ZFHX3: variants seen among roughly 807,000 people sequenced by gnomAD.
The protein encoded by ZFHX3 is zinc finger homeobox protein 3.
ZFHX3 carries 42 observed loss-of-function variants against 279.1 expected under a neutral mutation model. That is an observed-to-expected ratio of 0.15 (90% CI 0.12 to 0.19). ZFHX3 has a LOEUF of 0.19. Among genes scored for constraint, ZFHX3 ranks in the 10% least tolerant of loss-of-function variants. The pLI, the probability that ZFHX3 is intolerant of heterozygous loss-of-function variation, is 1.00. For synonymous variants in ZFHX3, 2,293 were observed against 1,957.8 expected (o/e 1.17, Z -4.52); for missense variants, 4,981 against 4,754.0 (o/e 1.05, Z -1.40).
rs369293850 is a variant in ZFHX3, at chr16:72,979,848, G to A, written c.-49-19654C>T. Among the ~76,000 whole-genome samples the A allele has an allele frequency of 2.7e-4, 41 of 152,206 alleles. No individual in the cohort carries two copies. In the South Asian group the frequency reaches 7.9e-3, roughly 29 times the overall value. On this transcript the variant is annotated intron_variant, in intron 1 of 9. Transcript: ENST00000268489. ...ATAACCTACACACTGAGTCAAATTTGGCTCTAAGCTTTCTAAAAGTCAAGA... is the reference window on the plus strand; with the variant it reads ...ATAACCTACACACTGAGTCAAATTTAGCTCTAAGCTTTCTAAAAGTCAAGA...
At chr16:73,126,794 G>A (rs1242251530) in intron 7 of ZFHX3, 2 of 152,370 alleles carry the variant, frequency 1.3e-5, no homozygotes, top group Non-Finnish European at 2.9e-5. Flanking sequence ...TGGGGCAGCT[G>A]GAAGGATGCT....
chr16:73,404,512 C>T (rs1312218243), intron 3 of ZFHX3, among the ~76,000 whole-genome samples: 4 of 152,224 alleles, frequency 2.6e-5, no homozygotes, highest in East Asian at 1.9e-4. Flanking sequence ...GCAAAGAGAC[C>T]GTTAAATCAC....
At chr16:73,247,930 G>C (rs373195387) in intron 5 of ZFHX3, among the ~76,000 whole-genome samples, 8 of 151,728 alleles carry the variant, frequency 5.3e-5, no homozygotes, top group East Asian at 3.9e-4. Flanking sequence ...TGTATGTGGA[G>C]TGTGTGTGTT....
rs535236507 is a variant in ZFHX3, at chr16:73,706,583, G to A, written c.-1607-26343C>T. Among the ~76,000 whole-genome samples the A allele has an allele frequency of 2.9e-4, 44 of 152,166 alleles. 1 individual carries two copies. The South Asian group carries it at 6.2e-3, about 22-fold the overall frequency. ...CTTGAAATAATATTCAAGGCTCTCC[G>A]TGGTGTAGCCCAATCTCTCATCACA... On this transcript the variant is annotated intron_variant, in intron 1 of 17. Coordinates refer to the ZFHX3 transcript ENST00000641206.
At chr16:73,515,356 CCTT>C (rs1361936345) in intron 2 of ZFHX3, among the ~76,000 whole-genome samples, 2 of 151,950 alleles carry the variant, frequency 1.3e-5, no homozygotes, top group East Asian at 3.9e-4. Context: ...TAAAGGGATC[CCTT>C]AGTCACAAAG....
At chr16:73,208,523 A>C (rs1053221833) in intron 5 of ZFHX3, among the ~76,000 whole-genome samples, 15 of 140,572 alleles carry the variant, frequency 1.1e-4, no homozygotes, top group African/African-American at 3.8e-4. Flanking sequence ...AGTTGGAAAC[A>C]TATTTACATC....
At chr16:73,866,169 A>ATTTTTTTTTT (rs34324522) in intron 1 of ZFHX3, among the ~76,000 whole-genome samples, 1 of 74,626 alleles carries the variant, frequency 1.3e-5, no homozygotes, top group Non-Finnish European at 2.5e-5. Context: ...TGCCAGGCTA[A>ATTTTTTTTTT]TTTTTTTTTT....
At chr16:73,734,017 A>G (rs937961598) in intron 1 of ZFHX3, among the ~76,000 whole-genome samples, 9 of 152,144 alleles carry the variant, frequency 5.9e-5, no homozygotes, top group African/African-American at 2.2e-4. Context: ...TTCGGTATGA[A>G]ACTATTCCAC....
rs115108553 is a variant in ZFHX3, at chr16:72,902,416, C to T, written c.3217-12454G>A. 1.2e-3 allele frequency among the ~76,000 whole-genome samples: 190 copies of T among 152,268 alleles called. 1 individual carries two copies. Among genetic ancestry groups the T allele is most frequent in the African/African-American group, 3.9e-3 (162 of 41,560 alleles). On this transcript the variant is annotated intron_variant, in intron 3 of 9. Transcript: ENST00000268489. ...GAGGGAGGTAACAGCCCCCAGCTTG[C>T]GCCTGGGTTTGGCAGGCTGGCTTCC...
intron 4 of ZFHX3, among the ~76,000 whole-genome samples, chr16:73,285,577 A>G (rs1321831489): frequency 1.3e-5 from 2 of 152,170 alleles, no homozygotes; most frequent in African/African-American, 4.8e-5. Context: ...TGCCTCATGT[A>G]CTAATATTAC....
chr16:73,299,103 T>G (rs1316632904), intron 4 of ZFHX3, among the ~76,000 whole-genome samples: 1 of 152,216 alleles, frequency 6.6e-6, no homozygotes, highest in African/African-American at 2.4e-5. Context: ...TTTTACAGAC[T>G]GGGGTCCGGT....
rs552022054 is a variant in ZFHX3, at chr16:72,802,829, C to A, written c.3865-2700G>T. On this transcript the variant is annotated intron_variant, in intron 7 of 9. Transcript: ENST00000268489. Reference sequence around the variant, plus strand: ...TTTACTCAAAGCTTTCATGCTTTATCTTGAAGAGCCATAAACAATCCTGCC... The same window carrying A: ...TTTACTCAAAGCTTTCATGCTTTATATTGAAGAGCCATAAACAATCCTGCC... Among the ~76,000 whole-genome samples, 9 of 152,292 alleles carry A rather than the reference C, an allele frequency of 5.9e-5. No homozygotes were observed. The South Asian group carries it at 1.9e-3, about 32-fold the overall frequency.
chr16:73,426,465 C>G (rs2017811689), intron 3 of ZFHX3, among the ~76,000 whole-genome samples: 1 of 152,102 alleles, frequency 6.6e-6, no homozygotes, highest in Admixed American at 6.5e-5. Flanking sequence ...TAATGGGGAT[C>G]AGTACAGAAC....
rs2018035752 is a variant in ZFHX3 at position 73,438,624 on chromosome 16, A to C, written c.-1291+17379T>G. On this transcript the variant is annotated intron_variant, in intron 3 of 17. Transcript: ENST00000641206. The stretch of plus-strand genomic sequence containing the variant: ...ATTGCCTCTGGATTGTACAAAGTTC[A>C]AGAAAGAAGCAAAATTCTTGATATA... 2.0e-5 allele frequency among the ~76,000 whole-genome samples: 3 copies of C among 152,268 alleles called. No homozygotes were observed. The South Asian group carries it at 6.2e-4, about 31-fold the overall frequency.
At chr16:73,176,139 C>T (rs1967658708) in intron 5 of ZFHX3, among the ~76,000 whole-genome samples, 2 of 152,318 alleles carry the variant, frequency 1.3e-5, no homozygotes, top group Admixed American at 6.5e-5. Flanking sequence ...AACCATCTAG[C>T]ACCGTCCCAT....
chr16:73,594,871 T>G (rs761289899), intron 2 of ZFHX3, among the ~76,000 whole-genome samples: 1 of 152,182 alleles, frequency 6.6e-6, no homozygotes, highest in African/African-American at 2.4e-5. Flanking sequence ...CCTTTTGTTG[T>G]TAATATTTGT....
chr16:72,881,962 C>A (rs2038485020), intron 4 of ZFHX3, among the ~76,000 whole-genome samples: 1 of 152,124 alleles, frequency 6.6e-6, no homozygotes, highest in Non-Finnish European at 1.5e-5. Context: ...ATAAAGGTTT[C>A]ACAGAAAGAA....
Position 72,797,548 on chromosome 16 carries a change from G to A in ZFHX3, c.5134C>T (p.Arg1712Trp), listed in dbSNP as rs151143698. The change falls in exon 9 of 10, where the codon CGG becomes TGG. Residue 1712 changes from arginine to tryptophan, a missense_variant. This residue lies in a region of ZFHX3 where 1,751 missense variants were observed against 1,770.0 expected (regional missense o/e 0.99). Coordinates refer to ENST00000268489, the MANE Select transcript of ZFHX3 (RefSeq NM_006885.4). ...ASPSEPKEAN[R>W]KKLADMIASR... ...GCAATCATATCTGCCAGTTTCTTCC[G>A]ATTGGCCTCTTTGGGCTCTGAAGGG... The A allele has an allele frequency of 8.5e-5, 138 of 1,614,070 alleles. No homozygotes were observed. Among genetic ancestry groups the A allele is most frequent in the African/African-American group, 5.1e-4 (38 of 75,024 alleles).
intron 2 of ZFHX3, among the ~76,000 whole-genome samples, chr16:73,611,038 G>A (rs1482701690): frequency 2.6e-5 from 4 of 152,212 alleles, no homozygotes; most frequent in African/African-American, 9.6e-5. Flanking sequence ...ATCTACTCAA[G>A]CTGTCACCCC....
Sources: gnomAD v4.1 joint callset for allele counts (sites outside exome capture counted in the v4.1 genomes callset) on GRCh38, gnomAD v4.1.1 for gene constraint, gnomAD v4.1.1 regional missense constraint, MANE v1.5 for transcripts, NCBI Gene and HGNC (gene_info 2026-07-23, HGNC 2026-07-21) for gene names.